The following MROH1 variants were observed in gnomAD, a reference collection of about 807,000 sequenced individuals.
MROH1 encodes the protein maestro heat like repeat family member 1.
A neutral mutation model predicts 116.5 loss-of-function variants in MROH1; 117 were observed. That is an observed-to-expected ratio of 1.00 (90% CI 0.86 to 1.17). The LOEUF (loss-of-function observed/expected upper bound fraction) is 1.17, where lower values mean the gene tolerates loss of function less well. MROH1 is among the 50% of genes most tolerant of loss of function. The pLI, the probability that MROH1 is intolerant of heterozygous loss-of-function variation, is 0.00. For synonymous variants in MROH1, 921 were observed against 583.9 expected, an observed-to-expected ratio of 1.58 and a Z score of -8.32; for missense variants, 1,873 against 1,338.5, an observed-to-expected ratio of 1.40 and a Z score of -6.23.
At chr8:144,232,853 G>T (rs1839213570) in intron 14 of MROH1, among the ~76,000 whole-genome samples, 1 of 148,908 alleles carries the variant, frequency 6.7e-6, no homozygotes, top group South Asian at 2.1e-4. Flanking sequence ...ATGAGACAGG[G>T]TCTTGCTTTG....
chr8:144,185,624 G>A (rs574049310), intron 7 of MROH1, among the ~76,000 whole-genome samples: 18 of 13,232 alleles, frequency 1.4e-3, no homozygotes, highest in African/African-American at 8.5e-3. Context: ...ACCGCGGGGG[G>A]CGGTGAGGGC....
chr8:144,234,891 C>CTTTTTTTTTTTTTTTTTTTTTTTTTTT (rs781998549), intron 14 of MROH1, among the ~76,000 whole-genome samples: 1 of 103,566 alleles, frequency 9.7e-6, no homozygotes, highest in Non-Finnish European at 1.8e-5. Flanking sequence ...CTTTTTCTTT[C>CTTTTTTTTTTTTTTTTTTTTTTTTTTT]TTTTTTTTTT....
At chr8:144,160,778 A>AC (rs60139429) in intron 1 of MROH1, among the ~76,000 whole-genome samples, 192 bp from the exon 2 acceptor site, 1 of 115,084 alleles carries the variant, frequency 8.7e-6, no homozygotes, top group African/African-American at 6.8e-5. Flanking sequence ...TCAGAAGTCT[A>AC]CAAGGGTCCC....
chr8:144,225,811 C>T lies in MROH1; in HGVS notation c.1338+2581C>T, dbSNP rs796285767. On this transcript the variant is annotated intron_variant, in intron 14 of 43. Coordinates refer to ENST00000326134, the MANE Select transcript of MROH1 (RefSeq NM_032450.3). ...CTGACCTCAGGTGATCTGCCTGCCCCGGCCTCCCAAAGTGCTGGGATTACA... is the reference window on the plus strand; with the variant it reads ...CTGACCTCAGGTGATCTGCCTGCCCTGGCCTCCCAAAGTGCTGGGATTACA... Among the ~76,000 whole-genome samples the T allele has an allele frequency of 7.2e-5, 11 of 151,810 alleles. No homozygotes were observed. The South Asian group carries it at 8.3e-4, about 11-fold the overall frequency.
At chr8:144,186,684 C>T (rs1016019653) in intron 7 of MROH1, among the ~76,000 whole-genome samples, 33 of 152,184 alleles carry the variant, frequency 2.2e-4, no homozygotes, top group Admixed American at 1.6e-3. Flanking sequence ...TCTGTCCTGA[C>T]GGGGGGGTCA....
intron 14 of MROH1, among the ~76,000 whole-genome samples, chr8:144,224,733 C>T (rs1430068212): frequency 6.6e-6 from 1 of 152,158 alleles, no homozygotes; most frequent in Admixed American, 6.6e-5. Flanking sequence ...TGCTCTGAGA[C>T]AAGTGGGCCT....
intron 3 of MROH1, among the ~76,000 whole-genome samples, chr8:144,166,495 C>T (rs1391076618): frequency 6.6e-6 from 1 of 152,174 alleles, no homozygotes; most frequent in Non-Finnish European, 1.5e-5. Context: ...TTAAGGCTGA[C>T]TGTGTGCGGG....
rs1397599275 is a variant in MROH1, at chr8:144,241,109, G to A, written c.2053G>A (p.Glu685Lys). The A allele has an allele frequency of 9.2e-6, 7 of 760,760 alleles. No homozygotes were observed. Among genetic ancestry groups the A allele is most frequent in the East Asian group, 5.0e-5 (2 of 40,288 alleles). The allele number at this position is 760,760 out of a possible 1,614,324, so 47.1% of individuals were successfully genotyped here. ...CAGATACCAGGAGGAGGCAGAACGC[G>A]AGGTGGGGCCGCTTTCCCTGCAGAA... The part of the protein sequence containing the change: ...TARYQEEAER[E>K]GLACCFGICA... Residue 685 changes from glutamate (E) to lysine (K), a missense_variant and splice_region_variant, in exon 21 of 44, where the codon GAG becomes AAG. Glu to Lys is a moderately conservative substitution (Grantham distance 56). Coordinates refer to ENST00000326134, the MANE Select transcript of MROH1 (RefSeq NM_032450.3).
intron 14 of MROH1, among the ~76,000 whole-genome samples, chr8:144,234,726 C>T (rs1839737776): frequency 6.7e-6 from 1 of 149,208 alleles, no homozygotes; most frequent in African/African-American, 2.5e-5. Flanking sequence ...CCATGTTGGC[C>T]AGGCTGGTCT....
intron 35 of MROH1, among the ~76,000 whole-genome samples, chr8:144,258,144 C>T (rs1404447030): frequency 6.6e-6 from 1 of 152,220 alleles, no homozygotes; most frequent in African/African-American, 2.4e-5. Flanking sequence ...AGTTTCTGGC[C>T]CAGCCACTGC....
At chr8:144,244,714 T>C (rs1047789977) in intron 28 of MROH1, among the ~76,000 whole-genome samples, 175 bp downstream of exon 28, 5,565 of 152,222 alleles carry the variant, frequency 0.037, 113 homozygotes, top group Middle Eastern at 0.054. Context: ...TGGCAAGCAG[T>C]TGGGGAGGCC....
Position 144,192,312 on chromosome 8 carries a change from C to T in MROH1, c.859C>T (p.Leu287=). ...CTCTTCTCCCTACCCGGAGCAGAGC[C>T]TGGGCCAGATCCTCGAGGCAGCTGT... ...HAETFYLSKS[L]GQILEAAVSV... The change falls in exon 10 of 44, where the codon CTG becomes TTG. Residue 287 remains leucine (L), a synonymous_variant. Transcript: ENST00000326134. 6.3e-7 allele frequency: 1 copy of T among 1,592,854 alleles called. No individual in the cohort carries two copies. Among genetic ancestry groups the T allele is most frequent in the Non-Finnish European group, 8.5e-7 (1 of 1,172,422 alleles).
Position 144,161,017 on chromosome 8 carries a change from C to G in MROH1, c.-129C>G, listed in dbSNP as rs1819396535. ...TCAGCCGCCAGCTGAGGGCCATTCG[C>G]AGCTTCTCCAGGCCACCTGCATTCC... On this transcript the variant is annotated 5_prime_UTR_variant, in exon 2 of 44. Transcript: ENST00000326134. The G allele has an allele frequency of 6.5e-6, 1 of 152,818 alleles. No homozygotes were observed. Among genetic ancestry groups the G allele is most frequent in the African/African-American group, 2.4e-5 (1 of 41,456 alleles). 9.5% of individuals were successfully genotyped at this position (152,818 alleles called of 1,614,324 possible). A position where few individuals can be genotyped will look rare whatever the true frequency, so the allele number is the denominator to read the frequency against.
At position 144,248,915 on chromosome 8, in the gene MROH1, C is replaced by A; in HGVS notation, c.3159C>A (p.Ser1053Arg). 1 of 777,874 alleles carries A rather than the reference C, an allele frequency of 1.3e-6. No homozygotes were observed. Among genetic ancestry groups the A allele is most frequent in the East Asian group, 2.4e-5 (1 of 41,146 alleles). The allele number at this position is 777,874 out of a possible 1,614,324, so 48.2% of individuals were successfully genotyped here. ...AKRLPPDQLI[S>R]LLLTMFEALG... is the part of the protein sequence containing the mutation. ...GCCTCCCCCCAGACCAGCTCATCAG[C>A]CTCTTGCTAACCATGTTTGAGGCCC... Residue 1053 changes from serine to arginine, a missense_variant, in exon 32 of 44, where the codon AGC becomes AGA. Ser to Arg is a moderately radical substitution (Grantham distance 110, BLOSUM62 -1). Transcript: ENST00000326134.
intron 12 of MROH1, among the ~76,000 whole-genome samples, chr8:144,217,342 T>TA (rs545151245): frequency 7.9e-4 from 121 of 152,340 alleles, no homozygotes; most frequent in African/African-American, 2.7e-3. Flanking sequence ...CCAGGCTATA[T>TA]GTGTACGGTG....
chr8:144,168,208 G>C, intron 3 of MROH1, 87 bp from the exon 4 acceptor site: 1 of 1,415,128 alleles, frequency 7.1e-7, no homozygotes. Context: ...AGAGGCTGCA[G>C]GTGTGTCCAC....
chr8:144,200,541 G>A lies in MROH1; in HGVS notation c.1141G>A (p.Ala381Thr), dbSNP rs1373633778. Residue 381 changes from alanine (A) to threonine (T), a missense_variant and splice_region_variant, in exon 12 of 44, where the codon GCT becomes ACT. Transcript: ENST00000326134. Reference sequence around the variant, plus strand: ...GGTCAGACATGTCATCAACTCAGCTGGTGAGTGCCTCCATGCTAGCCTGGC... The same window carrying A: ...GGTCAGACATGTCATCAACTCAGCTAGTGAGTGCCTCCATGCTAGCCTGGC... ...QVVRHVINSA[A>T]AQMEDKKPFI... is the part of the protein sequence containing the mutation. 1 of 1,548,752 alleles carries A rather than the reference G, an allele frequency of 6.5e-7. No homozygotes were observed. The highest frequency in any genetic ancestry group is 2.4e-5 in the East Asian group (1 of 40,924).
At chr8:144,192,678 C>CCAGAGAAAGGTCAG in intron 10 of MROH1, 1 of 619,958 alleles carries the variant, frequency 1.6e-6, no homozygotes, top group Non-Finnish European at 3.0e-6. Context: ...ACAGGTGGTC[C>CCAGAGAAAGGTCAG]CAGAGAAAGG....
chr8:144,239,066 C>T lies in MROH1; in HGVS notation c.1478C>T (p.Thr493Ile), dbSNP rs1840519479. The T allele has an allele frequency of 1.0e-5, 8 of 777,948 alleles. No individual in the cohort carries two copies. The highest frequency in any genetic ancestry group is 1.0e-4 in the Admixed American group (6 of 59,016). 48.2% of individuals were successfully genotyped at this position (777,948 alleles called of 1,614,324 possible). The change falls in exon 16 of 44, where the codon ACC (threonine) becomes ATC (isoleucine). Residue 493 changes from threonine to isoleucine, a missense_variant. Thr to Ile is a moderately conservative substitution (Grantham distance 89, BLOSUM62 -1). Transcript: ENST00000326134. ...VLWPYLLQFL[T>I]PVRFTGALTP... Reference sequence around the variant, plus strand: ...TGGCCATACCTGCTCCAGTTCCTCACCCCTGTGCGCTTCACTGGGGCCCTG... The same window carrying T: ...TGGCCATACCTGCTCCAGTTCCTCATCCCTGTGCGCTTCACTGGGGCCCTG...
Sources: allele counts gnomAD v4.1 joint callset (sites outside exome capture counted in the v4.1 genomes callset), GRCh38; gene constraint gnomAD v4.1.1; transcripts MANE v1.5; gene names NCBI Gene and HGNC (gene_info 2026-07-23, HGNC 2026-07-21).